Variants in CELF1 observed in about 807,000 individuals in gnomAD.
The protein encoded by CELF1 is 50 kDa nuclear polyadenylated RNA-binding protein.
In CELF1, 10 loss-of-function variants were observed where a neutral mutation model predicts 61.8. The ratio of observed to expected loss-of-function variants is 0.16; its 90% CI spans 0.10 to 0.27. The LOEUF (loss-of-function observed/expected upper bound fraction) is 0.27, where lower values mean the gene tolerates loss of function less well. CELF1 is among the 10% of genes least tolerant of loss of function. CELF1 has a pLI of 1.00. For missense variants in CELF1, 380 were observed against 639.1 expected (o/e 0.59, Z 4.37); for synonymous variants, 236 against 225.1 (o/e 1.05, Z -0.43).
At chr11:47,512,816 C>T (rs991205603) in intron 1 of CELF1, among the ~76,000 whole-genome samples, 3 of 152,180 alleles carry the variant, frequency 2.0e-5, no homozygotes, top group African/African-American at 7.2e-5. Context: ...ACTCCATGTT[C>T]ACCTACTCTC....
chr11:47,515,708 C>T (rs1337817288), intron 1 of CELF1, among the ~76,000 whole-genome samples: 2 of 152,100 alleles, frequency 1.3e-5, no homozygotes, highest in African/African-American at 4.8e-5. Context: ...TTTCTGAGTG[C>T]TCAAAGGAGA....
At chr11:47,510,939 T>C (rs1227201795) in intron 1 of CELF1, among the ~76,000 whole-genome samples, 1 of 151,914 alleles carries the variant, frequency 6.6e-6, no homozygotes, top group Non-Finnish European at 1.5e-5. Flanking sequence ...CCCAACACTC[T>C]GGGAAGCTCA....
chr11:47,533,092 ATTT>A (rs111833244), intron 1 of CELF1, among the ~76,000 whole-genome samples: 1 of 143,604 alleles, frequency 7.0e-6, no homozygotes, highest in African/African-American at 2.6e-5. Context: ...CTATCACAGT[ATTT>A]TTTTTTTTTG....
rs2097211472 is a variant in CELF1 at position 47,558,147 on chromosome 11, G to A, written c.-11+6204C>T. ...GTTGGGATTATAGGCGTGAGCCACC[G>A]CGCATGGCCGGAAAGAAAACTCTTA... On this transcript the variant is annotated intron_variant, in intron 2 of 3. Coordinates refer to the CELF1 transcript ENST00000525841. Among the ~76,000 whole-genome samples the A allele has an allele frequency of 3.3e-5, 5 of 152,098 alleles. No homozygotes were observed. The South Asian group carries it at 1.0e-3, about 32-fold the overall frequency.
intron 3 of CELF1, among the ~76,000 whole-genome samples, chr11:47,498,903 T>C (rs2093548183): frequency 6.6e-6 from 1 of 151,384 alleles, no homozygotes; most frequent in Non-Finnish European, 1.5e-5. Context: ...TAAAATCACG[T>C]GCTGAGCTGT....
intron 1 of CELF1, among the ~76,000 whole-genome samples, chr11:47,541,728 ACG>A (rs1177871487): frequency 0.22 from 3,034 of 14,012 alleles, 338 homozygotes; most frequent in East Asian, 0.46. Context: ...GAAAGAAAGA[ACG>A]AAAGAAAGAA....
At chr11:47,538,303 T>C (rs1450916222) in intron 1 of CELF1, among the ~76,000 whole-genome samples, 3 of 152,204 alleles carry the variant, frequency 2.0e-5, no homozygotes, top group Non-Finnish European at 2.9e-5. Context: ...ATTATCTATA[T>C]ATGGAAGACA....
intron 3 of CELF1, chr11:47,494,292 T>C (rs2092595863): frequency 4.3e-6 from 3 of 690,230 alleles, no homozygotes; most frequent in Non-Finnish European, 3.6e-6. Flanking sequence ...TCTCTTTTTA[T>C]GTTTCTACTA....
At chr11:47,510,288 C>T (rs1229415009) in intron 1 of CELF1, among the ~76,000 whole-genome samples, 1 of 152,190 alleles carries the variant, frequency 6.6e-6, no homozygotes, top group Non-Finnish European at 1.5e-5. Flanking sequence ...TTAGTGTTTT[C>T]TACTGGCCTA....
intron 4 of CELF1, 55 bp from the exon 5 acceptor site, chr11:47,487,296 A>C: frequency 7.3e-7 from 1 of 1,367,532 alleles, no homozygotes; most frequent in Non-Finnish European, 1.0e-6. Context: ...GAATTCCTAG[A>C]GCAATCCTTC....
intron 1 of CELF1, among the ~76,000 whole-genome samples, chr11:47,508,988 CGA>C (rs2094808378): frequency 6.6e-6 from 1 of 152,088 alleles, no homozygotes; most frequent in Non-Finnish European, 1.5e-5. Context: ...AGGCTAGTCT[CGA>C]ACTCCTGACC....
chr11:47,523,580 A>G (rs1423457312), intron 1 of CELF1: 1 of 152,306 alleles, frequency 6.6e-6, no homozygotes, highest in Non-Finnish European at 1.5e-5. Context: ...GTATAGTCAC[A>G]CAGAACTCTG....
At chr11:47,551,085 C>A (rs568575381) in intron 1 of CELF1, among the ~76,000 whole-genome samples, 3 of 151,700 alleles carry the variant, frequency 2.0e-5, no homozygotes, top group African/African-American at 4.8e-5. Context: ...CACTTAATTT[C>A]TAGGGCCCTC....
chr11:47,520,351 C>G (rs1353907837), intron 1 of CELF1, among the ~76,000 whole-genome samples: 1 of 152,248 alleles, frequency 6.6e-6, no homozygotes, highest in Non-Finnish European at 1.5e-5. Context: ...ACATGGCCTA[C>G]TAATAATTCC....
chr11:47,538,369 C>A (rs376018887), intron 1 of CELF1, among the ~76,000 whole-genome samples: 1 of 152,088 alleles, frequency 6.6e-6, no homozygotes, highest in Non-Finnish European at 1.5e-5. Context: ...TTTGGCTGGG[C>A]GTGGTGGCTC....
At chr11:47,531,056 G>T (rs1026659512) in intron 1 of CELF1, among the ~76,000 whole-genome samples, 1 of 151,948 alleles carries the variant, frequency 6.6e-6, no homozygotes, top group Non-Finnish European at 1.5e-5. Flanking sequence ...AGACCAGCCT[G>T]GCCAATTTGG....
intron 1 of CELF1, among the ~76,000 whole-genome samples, chr11:47,520,375 C>A (rs1243407354): frequency 1.3e-5 from 2 of 152,152 alleles, no homozygotes; most frequent in Non-Finnish European, 2.9e-5. Flanking sequence ...ATCATCATTT[C>A]TTTTGAACAG....
intron 1 of CELF1, among the ~76,000 whole-genome samples, chr11:47,511,408 C>T (rs2095157058): frequency 1.1e-5 from 1 of 95,066 alleles, no homozygotes; most frequent in African/African-American, 4.0e-5. Context: ...GATAATTCAT[C>T]AATATTATAT....
chr11:47,475,623 T>C, intron 12 of CELF1, 102 bp from the exon 13 acceptor site: 1 of 1,106,566 alleles, frequency 9.0e-7, no homozygotes, highest in Non-Finnish European at 1.3e-6. Context: ...TCCAAAGTTC[T>C]CCCCTTTATC....
Sources: allele counts gnomAD v4.1 joint callset (sites outside exome capture counted in the v4.1 genomes callset), GRCh38; gene constraint gnomAD v4.1.1; transcripts MANE v1.5; gene names NCBI Gene and HGNC (gene_info 2026-07-23, HGNC 2026-07-21).